Variants in PCNX4 observed in about 807,000 individuals in gnomAD.
The protein encoded by PCNX4 is pecanex-like protein 4.
In PCNX4, 103 loss-of-function variants were observed where a neutral mutation model predicts 107.2. The ratio of observed to expected loss-of-function variants is 0.96; its 90% CI spans 0.82 to 1.13. The LOEUF (loss-of-function observed/expected upper bound fraction) is 1.13. Ranked by LOEUF, PCNX4 falls within the 50% of genes most tolerant of loss-of-function variation. The probability of loss-of-function intolerance (pLI) is 0.00; values close to 1 mark genes in which losing one functional copy is unlikely to be tolerated. For synonymous variants in PCNX4, 541 were observed against 481.7 expected, an observed-to-expected ratio of 1.12 and a Z score of -1.61; for missense variants, 1,528 against 1,379.4, an observed-to-expected ratio of 1.11 and a Z score of -1.71.
intron 1 of PCNX4, among the ~76,000 whole-genome samples, chr14:60,107,049 G>T (rs1055933178): frequency 3.3e-5 from 5 of 152,038 alleles, no homozygotes; most frequent in African/African-American, 1.2e-4. Context: ...TAATTCCAAA[G>T]GTTAGATTAT....
At chr14:60,119,754 A>G (rs910169363) in intron 7 of PCNX4, among the ~76,000 whole-genome samples, 1 of 152,222 alleles carries the variant, frequency 6.6e-6, no homozygotes, top group South Asian at 2.1e-4. Context: ...ATTATACTCA[A>G]CCAAGAATTG....
Position 60,134,179 on chromosome 14 carries a change from T to A in PCNX4, c.3477T>A (p.Tyr1159Ter). The change falls in exon 11 of 11, where the codon TAT (tyrosine) becomes TAA (stop). Residue 1159 changes from tyrosine to a stop codon, truncating the protein, a stop_gained. Transcript: ENST00000406854. LOFTEE classifies it high-confidence loss of function. ...AAGCAGCAGAACCTCCCCTGGGATA[T>A]CCGATTTATTCTTCAAAACCTCTCC... is the stretch of plus-strand genomic sequence containing the variant. ...TVQAAEPPLG[Y>*]PIYSSKPLHI... 1 of 1,613,734 alleles carries A rather than the reference T, an allele frequency of 6.2e-7. No individual in the cohort carries two copies. Among genetic ancestry groups the A allele is most frequent in the Non-Finnish European group, 8.5e-7 (1 of 1,179,666 alleles).
In PCNX4 at chr14:60,135,622, A is replaced by C. The variant is rs1858609339; in HGVS notation, c.*1401A>C. The C allele has an allele frequency of 6.6e-6, 1 of 151,736 alleles. No individual in the cohort carries two copies. Among genetic ancestry groups the C allele is most frequent in the South Asian group, 2.1e-4 (1 of 4,818 alleles). 9.4% of individuals were successfully genotyped at this position (151,736 alleles called of 1,614,324 possible). Reference sequence around the variant, plus strand: ...GGCTGGGGTGCAGTGGCACGATCTCAGCTCACTGCAACCTCCGCCTTCTGG... The same window carrying C: ...GGCTGGGGTGCAGTGGCACGATCTCCGCTCACTGCAACCTCCGCCTTCTGG... On this transcript the variant is annotated 3_prime_UTR_variant, in exon 11 of 11. Coordinates refer to ENST00000406854, the MANE Select transcript of PCNX4 (RefSeq NM_001330177.2).
In PCNX4 at chr14:60,147,292, A is replaced by G. The variant is rs530625504; in HGVS notation, c.*13071A>G. ...AAGATAAATAACTTATGTTATTATA[A>G]TTTACAGATTCTAAGGATCTAATAT... On this transcript the variant is annotated 3_prime_UTR_variant, in exon 11 of 11. Transcript: ENST00000406854. The G allele has an allele frequency of 6.6e-6, 1 of 152,294 alleles. No individual in the cohort carries two copies. Among genetic ancestry groups the G allele is most frequent in the Admixed American group, 6.5e-5 (1 of 15,296 alleles). 9.4% of individuals were successfully genotyped at this position (152,294 alleles called of 1,614,324 possible).
At chr14:60,098,603 A>G (rs1349342751) in intron 1 of PCNX4, among the ~76,000 whole-genome samples, 1 of 152,132 alleles carries the variant, frequency 6.6e-6, no homozygotes, top group Non-Finnish European at 1.5e-5. Flanking sequence ...TTACCATATA[A>G]CTTGTAAACC....
chr14:60,100,977 A>T (rs573988002), intron 1 of PCNX4, among the ~76,000 whole-genome samples: 2 of 152,258 alleles, frequency 1.3e-5, no homozygotes, highest in South Asian at 4.2e-4. Context: ...TTTAAGTCTG[A>T]TAAGAAATAT....
Position 60,139,041 on chromosome 14 carries a change from G to A in PCNX4, c.*4820G>A, listed in dbSNP as rs1270883838. On this transcript the variant is annotated 3_prime_UTR_variant, in exon 11 of 11. Transcript: ENST00000406854. ...ACAAAGCTAATACAGGGCTAAAGTGGAATAATAAGGCAAAAAGGTAGAGAA... is the reference window on the plus strand; with the variant it reads ...ACAAAGCTAATACAGGGCTAAAGTGAAATAATAAGGCAAAAAGGTAGAGAA... 6.6e-6 allele frequency: 1 copy of A among 151,970 alleles called. No homozygotes were observed. Among genetic ancestry groups the A allele is most frequent in the Non-Finnish European group, 1.5e-5 (1 of 67,910 alleles). The allele number at this position is 151,970 out of a possible 1,614,324, so 9.4% of individuals were successfully genotyped here.
intron 1 of PCNX4, among the ~76,000 whole-genome samples, chr14:60,094,438 G>T (rs1895379867): frequency 6.6e-6 from 1 of 152,128 alleles, no homozygotes; most frequent in African/African-American, 2.4e-5. Flanking sequence ...CTTGGTCAAA[G>T]TGACACATTC....
chr14:60,111,397 A>T (rs1308066043), intron 2 of PCNX4, among the ~76,000 whole-genome samples: 2 of 152,228 alleles, frequency 1.3e-5, no homozygotes. Context: ...ATCCATTTAT[A>T]ATTGGTTTTT....
chr14:60,134,419 T>G lies in PCNX4; in HGVS notation c.*198T>G. 1 of 596,444 alleles carries G rather than the reference T, an allele frequency of 1.7e-6. No individual in the cohort carries two copies. Among genetic ancestry groups the G allele is most frequent in the Non-Finnish European group, 2.8e-6 (1 of 357,486 alleles). The allele number at this position is 596,444 out of a possible 1,614,324, so 36.9% of individuals were successfully genotyped here. A position where few individuals can be genotyped will look rare whatever the true frequency, so the allele number is the denominator to read the frequency against. ...AGCAAAAACATCTTTATGTCTAAGA[T>G]AAAAGAACTATTTGGCCAATATTTG... is the stretch of plus-strand genomic sequence containing the variant. On this transcript the variant is annotated 3_prime_UTR_variant, in exon 11 of 11. Coordinates refer to ENST00000406854, the MANE Select transcript of PCNX4 (RefSeq NM_001330177.2).
chr14:60,107,638 G>C lies in PCNX4; in HGVS notation c.-1G>C, dbSNP rs553816070. 1.9e-6 allele frequency: 3 copies of C among 1,603,768 alleles called. No individual in the cohort carries two copies. The South Asian group carries it at 3.3e-5, about 18-fold the overall frequency. ...GACTTTCAGAATAATCCCGAGTGAG[G>C]ATGAGTCCAGATGTGCCTCTACTGA... On this transcript the variant is annotated 5_prime_UTR_variant, in exon 2 of 11. Coordinates refer to ENST00000406854, the MANE Select transcript of PCNX4 (RefSeq NM_001330177.2).
intron 1 of PCNX4, among the ~76,000 whole-genome samples, chr14:60,097,687 A>G (rs1323071028): frequency 6.6e-6 from 1 of 152,210 alleles, no homozygotes; most frequent in African/African-American, 2.4e-5. Context: ...AAACAACCAG[A>G]CAGATTCTTG....
At chr14:60,128,780 A>G (rs1165301083) in intron 10 of PCNX4, among the ~76,000 whole-genome samples, 1 of 152,242 alleles carries the variant, frequency 6.6e-6, no homozygotes, top group African/African-American at 2.4e-5. Context: ...TCTATAACAT[A>G]TAGGAATGTA....
At chr14:60,099,298 A>G (rs1481442642) in intron 1 of PCNX4, among the ~76,000 whole-genome samples, 2 of 152,194 alleles carry the variant, frequency 1.3e-5, no homozygotes, top group African/African-American at 4.8e-5. Context: ...TGGAAATGTA[A>G]AACTTTGGTA....
rs1895807878 is a variant in PCNX4 at position 60,114,750 on chromosome 14, T to C, written c.740T>C (p.Ile247Thr). The change falls in exon 3 of 11, where the codon ATC (isoleucine) becomes ACC (threonine). Residue 247 changes from isoleucine to threonine, a missense_variant. By Grantham distance (89) the Ile-to-Thr change is moderately conservative. Coordinates refer to ENST00000406854, the MANE Select transcript of PCNX4 (RefSeq NM_001330177.2). Reference protein sequence around the residue: ...ALEHMNQILHILFVFLPFLWA... With the variant: ...ALEHMNQILHTLFVFLPFLWA... ...GAACACATGAATCAGATTTTACACA[T>C]CTTGTTTGTATTTTTACCCTTTCTG... is the stretch of plus-strand genomic sequence containing the variant. 3.7e-6 allele frequency: 6 copies of C among 1,613,700 alleles called. No homozygotes were observed.
rs73310179 is a variant in PCNX4 at position 60,134,014 on chromosome 14, C to A, written c.3312C>A (p.Ile1104=). The stretch of plus-strand genomic sequence containing the variant: ...TGCTTAGCCTTCAAGAATTATTGAT[C>A]CAAGTGGGAAAGTTAAATCCTGAAG... ...GRVLSLQELL[I]QVGKLNPEAV... is the part of the protein sequence containing the mutation. Residue 1104 remains isoleucine (I), a synonymous_variant, in exon 11 of 11, where the codon ATC becomes ATA. Coordinates refer to ENST00000406854, the MANE Select transcript of PCNX4 (RefSeq NM_001330177.2). The A allele has an allele frequency of 5.0e-4, 803 of 1,613,462 alleles. 5 individuals are homozygous for A. The African/African-American group carries it at 9.9e-3, about 20-fold the overall frequency.
At chr14:60,111,970 G>A (rs1895748665) in intron 2 of PCNX4, among the ~76,000 whole-genome samples, 1 of 152,184 alleles carries the variant, frequency 6.6e-6, no homozygotes, top group Admixed American at 6.5e-5. Context: ...GCCAAATGAT[G>A]TATGAAATGC....
chr14:60,110,569 A>G (rs540050908), intron 2 of PCNX4: 5 of 167,012 alleles, frequency 3.0e-5, no homozygotes, highest in African/African-American at 1.2e-4. Flanking sequence ...TGTTTCTCCT[A>G]TTGGAGTGGG....
intron 1 of PCNX4, among the ~76,000 whole-genome samples, chr14:60,099,947 C>T (rs117655508): frequency 0.014 from 2,147 of 152,066 alleles, 16 homozygotes; most frequent in Non-Finnish European, 0.021. Context: ...TACCTTTCGT[C>T]CCGGCTACTT....
Sources: allele counts gnomAD v4.1 joint callset (sites outside exome capture counted in the v4.1 genomes callset), GRCh38; gene constraint gnomAD v4.1.1; transcripts MANE v1.5; gene names NCBI Gene and HGNC (gene_info 2026-07-23, HGNC 2026-07-21).